HMCN1: variants seen among roughly 807,000 people sequenced by gnomAD.
HMCN1 encodes the protein hemicentin-1.
A neutral mutation model predicts 625.9 loss-of-function variants in HMCN1; 321 were observed. That is an observed-to-expected ratio of 0.51 (90% confidence interval 0.47 to 0.56). The LOEUF is 0.56. HMCN1 is among the 20% of genes least tolerant of loss of function. The pLI is 0.00. For missense variants in HMCN1, 6,588 were observed against 6,887.3 expected (o/e 0.96, Z 1.54); for synonymous variants, 2,425 against 2,417.6 (o/e 1.00, Z -0.09).
In HMCN1 at chr1:186,166,172, T is replaced by C. The variant is rs183972885; in HGVS notation, c.15320-12T>C. On this transcript the variant is annotated splice_polypyrimidine_tract_variant and intron_variant, in intron 98 of 106. Coordinates refer to ENST00000271588, the MANE Select transcript of HMCN1 (RefSeq NM_031935.3). ...TACATACTGATTTGGGCCTTTTTGTTTCTTCTTTAAGATGAGGATGAATGT... is the reference window on the plus strand; with the variant it reads ...TACATACTGATTTGGGCCTTTTTGTCTCTTCTTTAAGATGAGGATGAATGT... The C allele has an allele frequency of 2.4e-4, 385 of 1,613,994 alleles. No individual in the cohort carries two copies. Among genetic ancestry groups the C allele is most frequent in the Non-Finnish European group, 2.4e-5 (28 of 1,179,978 alleles).
At position 186,019,630 on chromosome 1, in the gene HMCN1, C is replaced by G; in HGVS notation, c.5560C>G (p.Pro1854Ala). Residue 1854 changes from proline to alanine, a missense_variant, in exon 35 of 107, where the codon CCA becomes GCA. By Grantham distance (27) the Pro-to-Ala change is conservative. Transcript: ENST00000271588. ...VALQCIANGIPNPSITWLKDD... is the reference protein window; with the variant it reads ...VALQCIANGIANPSITWLKDD... Reference sequence around the variant, plus strand: ...CTTGCAGTGCATAGCCAATGGGATTCCAAATCCTTCCATTACATGGTTAAA... The same window carrying G: ...CTTGCAGTGCATAGCCAATGGGATTGCAAATCCTTCCATTACATGGTTAAA... The G allele has an allele frequency of 6.2e-7, 1 of 1,611,770 alleles. No homozygotes were observed. The highest frequency in any genetic ancestry group is 8.5e-7 in the Non-Finnish European group (1 of 1,178,288).
chr1:186,148,409 G>A (rs1650459706), intron 93 of HMCN1, among the ~76,000 whole-genome samples: 1 of 152,114 alleles, frequency 6.6e-6, no homozygotes, highest in African/African-American at 2.4e-5. Context: ...ATTCTTAATG[G>A]CATCTAGAAT....
intron 1 of HMCN1, among the ~76,000 whole-genome samples, chr1:185,758,659 A>T (rs1655288448): frequency 6.6e-6 from 1 of 151,956 alleles, no homozygotes. Flanking sequence ...AACACAAAAA[A>T]CTAGAAACAA....
In HMCN1 at chr1:185,734,960, G is replaced by T; in HGVS notation, c.181G>T (p.Glu61Ter). 1 of 1,614,120 alleles carries T rather than the reference G, an allele frequency of 6.2e-7. No homozygotes were observed. Among genetic ancestry groups the T allele is most frequent in the Non-Finnish European group, 8.5e-7 (1 of 1,180,016 alleles). ...GTATGATGATTTAGTTCAGGTGATT[G>T]AAGGGGCTTCCAAAATTTTGGAGAC... ...SMYDDLVQVI[E>*]GASKILETSL... Residue 61 changes from glutamate (E) to a stop codon, truncating the protein, a stop_gained, in exon 1 of 107, where the codon GAA (glutamate) becomes TAA (stop). Transcript: ENST00000271588. LOFTEE classifies it high-confidence loss of function.
chr1:185,741,375 G>A (rs958507239), intron 1 of HMCN1, among the ~76,000 whole-genome samples: 3 of 152,148 alleles, frequency 2.0e-5, no homozygotes, highest in African/African-American at 7.2e-5. Context: ...TGATTTTTAG[G>A]TGTTAAAGTC....
chr1:185,956,932 C>T (rs1649671869), intron 11 of HMCN1: 1 of 152,216 alleles, frequency 6.6e-6, no homozygotes, highest in African/African-American at 2.4e-5. Context: ...TTCACGATAT[C>T]ACATTGTCAT....
Position 186,001,318 on chromosome 1 carries a change from A to C in HMCN1, c.4090A>C (p.Lys1364Gln), listed in dbSNP as rs777994384. Reference protein sequence around the residue: ...KVHVPPVIKDKEQVTNVSVLL... With the variant: ...KVHVPPVIKDQEQVTNVSVLL... ...TGCAGTTCCTCCAGTAATTAAAGAT[A>C]AAGAACAAGTTACAAATGTGTCGGT... Residue 1364 changes from lysine (K) to glutamine (Q), a missense_variant, in exon 27 of 107, where the codon AAA becomes CAA. This residue lies in a region of HMCN1 where 4,628 missense variants were observed against 4,853.1 expected (regional missense o/e 0.95). Transcript: ENST00000271588. 30 of 1,611,666 alleles carry C rather than the reference A, an allele frequency of 1.9e-5. No homozygotes were observed. Among genetic ancestry groups the C allele is most frequent in the African/African-American group, 2.7e-5 (2 of 74,834 alleles).
Position 185,954,933 on chromosome 1 carries a change from A to T in HMCN1, c.1829-7585A>T, listed in dbSNP as rs59764685. Among the ~76,000 whole-genome samples, 708 of 152,272 alleles carry T rather than the reference A, an allele frequency of 4.6e-3. 8 individuals carry two copies. Among genetic ancestry groups the T allele is most frequent in the African/African-American group, 0.016 (677 of 41,544 alleles). On this transcript the variant is annotated intron_variant, in intron 11 of 106. Transcript: ENST00000271588. The stretch of plus-strand genomic sequence containing the variant: ...TCAGTGGGTGCTTGGCATTGCTGAT[A>T]GGGATCAGTGTAAATGAGCTATTGT...
chr1:186,013,817 G>T (rs970459723), intron 30 of HMCN1, among the ~76,000 whole-genome samples: 3 of 152,120 alleles, frequency 2.0e-5, no homozygotes, highest in Non-Finnish European at 4.4e-5. Flanking sequence ...GTAACCCAAG[G>T]CATTTAAGTT....
chr1:186,066,527 C>T (rs774392860), intron 49 of HMCN1, among the ~76,000 whole-genome samples: 7 of 152,132 alleles, frequency 4.6e-5, no homozygotes, highest in Non-Finnish European at 1.0e-4. Context: ...ATCTGCCTTG[C>T]TTGCAGCTTC....
chr1:185,934,541 C>G (rs1274822926), intron 11 of HMCN1, among the ~76,000 whole-genome samples: 1 of 152,176 alleles, frequency 6.6e-6, no homozygotes, highest in Non-Finnish European at 1.5e-5. Context: ...CAAAGTTTCT[C>G]TTTCAGTGGA....
Position 186,000,201 on chromosome 1 carries a change from C to T in HMCN1, c.4031C>T (p.Ala1344Val), listed in dbSNP as rs773099165. 2 of 1,613,070 alleles carry T rather than the reference C, an allele frequency of 1.2e-6. No individual in the cohort carries two copies. The highest frequency in any genetic ancestry group is 2.2e-5 in the South Asian group (2 of 91,068). The change falls in exon 26 of 107, where the codon GCT becomes GTT. Residue 1344 changes from alanine (A) to valine (V), a missense_variant. By Grantham distance (64) the Ala-to-Val change is moderately conservative. Around this residue, in one of 3 missense-constraint regions of HMCN1, gnomAD observed 4,628 missense variants for 4,853.1 expected, o/e 0.95. Coordinates refer to ENST00000271588, the MANE Select transcript of HMCN1 (RefSeq NM_031935.3). ...GEYICVAVNE[A>V]GTTERKYNLK... ...TACATCTGTGTGGCAGTCAATGAAG[C>T]TGGAACCACAGAAAGAAAATATAAC...
At chr1:186,156,676 A>G (rs1454490253) in intron 97 of HMCN1, among the ~76,000 whole-genome samples, 2 of 152,176 alleles carry the variant, frequency 1.3e-5, no homozygotes, top group East Asian at 3.8e-4. Flanking sequence ...GAAATAGCCA[A>G]AGATGAATGC....
At chr1:185,968,480 TTA>T (rs369735007) in intron 14 of HMCN1, among the ~76,000 whole-genome samples, 50 of 149,280 alleles carry the variant, frequency 3.3e-4, no homozygotes, top group African/African-American at 8.8e-4. Flanking sequence ...ATTTCTAAAA[TTA>T]TATATATATA....
At chr1:185,739,613 T>C (rs969729963) in intron 1 of HMCN1, among the ~76,000 whole-genome samples, 1 of 152,178 alleles carries the variant, frequency 6.6e-6, no homozygotes, top group Non-Finnish European at 1.5e-5. Flanking sequence ...ATATCTTACA[T>C]GAGTCTCCAT....
Position 186,106,955 on chromosome 1 carries a change from G to T in HMCN1, c.10842G>T (p.Val3614=). The T allele has an allele frequency of 6.2e-7, 1 of 1,606,192 alleles. No homozygotes were observed. Among genetic ancestry groups the T allele is most frequent in the South Asian group, 1.1e-5 (1 of 90,952 alleles). The part of the protein sequence containing the change: ...PAGDDDKEYL[V]RVHVPPNIAG... ...GAGATGATGATAAGGAATATCTAGT[G>T]AGAGTGCATGGTAAATTTGACAAAA... The change falls in exon 70 of 107, where the codon GTG becomes GTT. Residue 3614 remains valine (V), a synonymous_variant. Coordinates refer to ENST00000271588, the MANE Select transcript of HMCN1 (RefSeq NM_031935.3).
chr1:185,893,177 G>C, intron 4 of HMCN1, among the ~76,000 whole-genome samples: 1 of 152,280 alleles, frequency 6.6e-6, no homozygotes, highest in Admixed American at 6.5e-5. Flanking sequence ...GCTCACGCAC[G>C]GTGCCTGCAC....
intron 28 of HMCN1, among the ~76,000 whole-genome samples, chr1:186,002,287 T>A (rs1653251375): frequency 6.6e-6 from 1 of 152,124 alleles, no homozygotes; most frequent in Non-Finnish European, 1.5e-5. Flanking sequence ...ATTTAAAATT[T>A]TATAATTCTA....
intron 95 of HMCN1, 105 bp from the exon 96 acceptor site, chr1:186,152,645 T>TAAG: frequency 7.3e-7 from 1 of 1,373,404 alleles, no homozygotes; most frequent in South Asian, 1.2e-5. Flanking sequence ...TTATTCAAGT[T>TAAG]TGAACTCAAA....
Sources: gnomAD v4.1 joint callset for allele counts (sites outside exome capture counted in the v4.1 genomes callset) on GRCh38, gnomAD v4.1.1 for gene constraint, gnomAD v4.1.1 regional missense constraint, MANE v1.5 for transcripts, NCBI Gene and HGNC (gene_info 2026-07-23, HGNC 2026-07-21) for gene names.